The following ARHGAP44 variants were observed in gnomAD, a reference collection of about 807,000 sequenced individuals.
ARHGAP44 encodes the protein rho GTPase-activating protein 44.
A neutral mutation model predicts 106.8 loss-of-function variants in ARHGAP44; 43 were observed. The ratio of observed to expected loss-of-function variants is 0.40; its 90% confidence interval spans 0.32 to 0.52. The LOEUF (loss-of-function observed/expected upper bound fraction) is 0.52. Ranked by LOEUF, ARHGAP44 falls within the 20% of genes least tolerant of loss-of-function variation. The probability of loss-of-function intolerance (pLI) is 0.48; values close to 1 mark genes in which losing one functional copy is unlikely to be tolerated. For synonymous variants in ARHGAP44, 439 were observed against 410.3 expected (o/e 1.07, Z -0.85); for missense variants, 866 against 1,050.5 (o/e 0.82, Z 2.43).
intron 1 of ARHGAP44, among the ~76,000 whole-genome samples, chr17:12,825,355 A>G (rs1400479692): frequency 6.6e-6 from 1 of 151,976 alleles, no homozygotes; most frequent in Non-Finnish European, 1.5e-5. Flanking sequence ...CTAATTTTTT[A>G]AAATGACATG....
At chr17:12,934,082 C>T (rs1041759156) in intron 7 of ARHGAP44, among the ~76,000 whole-genome samples, 11 of 152,002 alleles carry the variant, frequency 7.2e-5, no homozygotes, top group South Asian at 2.1e-4. Context: ...CTCCTGACCT[C>T]GTGATCCACC....
At chr17:12,892,180 T>C (rs1211897230) in intron 1 of ARHGAP44, among the ~76,000 whole-genome samples, 1 of 152,224 alleles carries the variant, frequency 6.6e-6, no homozygotes, top group Non-Finnish European at 1.5e-5. Flanking sequence ...ATTGTCTTGA[T>C]CTCCCCTTCA....
At chr17:12,904,401 C>T (rs1282636827) in intron 3 of ARHGAP44, among the ~76,000 whole-genome samples, 2 of 152,068 alleles carry the variant, frequency 1.3e-5, no homozygotes, top group African/African-American at 2.4e-5. Flanking sequence ...CCACGGTGCC[C>T]GGCCAATTTC....
intron 1 of ARHGAP44, among the ~76,000 whole-genome samples, chr17:12,840,700 C>T (rs1403556761): frequency 1.3e-5 from 2 of 152,192 alleles, no homozygotes; most frequent in African/African-American, 4.8e-5. Context: ...CACGAGGGGG[C>T]CTGCAGGTTT....
At chr17:12,833,179 T>C (rs781213369) in intron 1 of ARHGAP44, among the ~76,000 whole-genome samples, 1 of 152,170 alleles carries the variant, frequency 6.6e-6, no homozygotes, top group Non-Finnish European at 1.5e-5. Flanking sequence ...GGAGTAAAGT[T>C]TGGGGAAGAA....
intron 16 of ARHGAP44, chr17:12,973,017 A>G (rs1486055172): frequency 2.5e-6 from 1 of 395,324 alleles, no homozygotes; most frequent in Non-Finnish European, 4.5e-6. Flanking sequence ...TACTTTTACC[A>G]GTTTCTTTCT....
At chr17:12,989,995 C>T in intron 20 of ARHGAP44, 37 bp from the exon 21 acceptor site, 1 of 1,588,392 alleles carries the variant, frequency 6.3e-7, no homozygotes, top group Admixed American at 1.7e-5. Flanking sequence ...TGCCGGGAAG[C>T]CTCCTTTCAA....
At chr17:12,885,253 G>A (rs1235803139) in intron 1 of ARHGAP44, among the ~76,000 whole-genome samples, 1 of 152,092 alleles carries the variant, frequency 6.6e-6, no homozygotes, top group Non-Finnish European at 1.5e-5. Context: ...CCATTCACCT[G>A]TTGAAGGGCA....
chr17:12,843,541 G>A (rs1277225518), intron 1 of ARHGAP44, among the ~76,000 whole-genome samples: 2 of 151,054 alleles, frequency 1.3e-5, no homozygotes, highest in Admixed American at 6.6e-5. Context: ...GATTTGCATC[G>A]TGTTTTCCTG....
intron 20 of ARHGAP44, among the ~76,000 whole-genome samples, 183 bp from the exon 21 acceptor site, chr17:12,989,849 G>A (rs1013396605): frequency 1.3e-5 from 2 of 152,148 alleles, no homozygotes; most frequent in Non-Finnish European, 2.9e-5. Context: ...TGGGGTAGAA[G>A]CAAAGCAGGC....
rs374534196 is a variant in ARHGAP44, at chr17:12,845,805, AACAC to A, written c.54-49128_54-49125del. On this transcript the variant is annotated intron_variant, in intron 1 of 20. Transcript: ENST00000379672. ...ACAACTGCCTTTGCCAGATATTTAC[AACAC>A]ACACACGTGCACTGTAACTCAAGAA... Among the ~76,000 whole-genome samples, 1,276 of 152,324 alleles carry A rather than the reference AACAC, an allele frequency of 8.4e-3. 15 individuals carry two copies. Among genetic ancestry groups the A allele is most frequent in the South Asian group, 0.022 (105 of 4,826 alleles).
At chr17:12,946,546 C>G (rs2038856002) in intron 10 of ARHGAP44, among the ~76,000 whole-genome samples, 1 of 150,984 alleles carries the variant, frequency 6.6e-6, no homozygotes, top group South Asian at 2.1e-4. Context: ...CACCTCTAAT[C>G]CCAACACTTT....
intron 16 of ARHGAP44, among the ~76,000 whole-genome samples, chr17:12,965,717 G>C (rs1408652572): frequency 1.3e-5 from 2 of 152,166 alleles, no homozygotes; most frequent in African/African-American, 2.4e-5. Context: ...CTCCACAGGG[G>C]GCTGTAGCAT....
intron 1 of ARHGAP44, among the ~76,000 whole-genome samples, chr17:12,844,417 G>A (rs776004019): frequency 1.4e-4 from 21 of 152,262 alleles, no homozygotes; most frequent in African/African-American, 2.9e-4. Flanking sequence ...ACCTGCTACC[G>A]CAATAACAAC....
intron 1 of ARHGAP44, among the ~76,000 whole-genome samples, chr17:12,839,299 T>C (rs1215172220): frequency 6.6e-6 from 1 of 152,208 alleles, no homozygotes; most frequent in African/African-American, 2.4e-5. Context: ...GAGGTATGTG[T>C]CCCTTAGTGT....
rs374823245 is a variant in ARHGAP44, at chr17:12,988,958, A to T, written c.2318-1074A>T. 4 of 149,550 alleles carry T rather than the reference A, an allele frequency of 2.7e-5. No homozygotes were observed. The East Asian group carries it at 7.9e-4, about 30-fold the overall frequency. The allele number at this position is 149,550 out of a possible 1,614,324, so 9.3% of individuals were successfully genotyped here. On this transcript the variant is annotated intron_variant, in intron 20 of 20. Transcript: ENST00000379672. ...AAAAAAAAAAAAAAATTAGCCGGGC[A>T]TGGTGGTGGGTGCCTGTAATCCCAG...
At chr17:12,879,243 G>A (rs1472887794) in intron 1 of ARHGAP44, among the ~76,000 whole-genome samples, 1 of 152,158 alleles carries the variant, frequency 6.6e-6, no homozygotes, top group Non-Finnish European at 1.5e-5. Flanking sequence ...CCATTCCTGA[G>A]TCACTTCACT....
intron 4 of ARHGAP44, among the ~76,000 whole-genome samples, chr17:12,913,280 TTAACA>T (rs1411288812): frequency 6.6e-6 from 1 of 152,130 alleles, no homozygotes; most frequent in Non-Finnish European, 1.5e-5. Context: ...GTTCAATATC[TTAACA>T]GACAAACTAG....
At chr17:12,986,768 A>AAAGTGGGC in intron 20 of ARHGAP44, 1 of 241,280 alleles carries the variant, frequency 4.1e-6, no homozygotes, top group Non-Finnish European at 7.9e-6. Flanking sequence ...TTGGGGAACA[A>AAAGTGGGC]AAGTGGGCAA....
Sources: allele counts gnomAD v4.1 joint callset (sites outside exome capture counted in the v4.1 genomes callset), GRCh38; gene constraint gnomAD v4.1.1; transcripts MANE v1.5; gene names NCBI Gene and HGNC (gene_info 2026-07-23, HGNC 2026-07-21).